Variants in FHOD3 observed in about 807,000 individuals in gnomAD.
FHOD3 encodes formin homology 2 domain containing 3.
A neutral mutation model predicts 173.0 loss-of-function variants in FHOD3; 90 were observed. The observed-to-expected ratio is 0.52, with a 90% CI of 0.44 to 0.62. The LOEUF is 0.62. Among genes scored for constraint, FHOD3 ranks in the 20% least tolerant of loss-of-function variants. The probability of loss-of-function intolerance (pLI) is 0.00; values close to 1 mark genes in which losing one functional copy is unlikely to be tolerated. For missense variants in FHOD3, 1,945 were observed against 2,034.7 expected (o/e 0.96, Z 0.85); for synonymous variants, 828 against 823.0 (o/e 1.01, Z -0.10).
chr18:36,330,945 G>GCCTGC lies in FHOD3; in HGVS notation c.166-24586_166-24582dup, dbSNP rs2044971610. On this transcript the variant is annotated intron_variant, in intron 1 of 28. Coordinates refer to ENST00000590592, the MANE Select transcript of FHOD3 (RefSeq NM_001281740.3). The stretch of plus-strand genomic sequence containing the variant: ...AGTGAGCATGCTCATTTGGGAGCTG[G>GCCTGC]CCTGCCCTGCCCCTGCCTTTAGATG... 2.0e-5 allele frequency among the ~76,000 whole-genome samples: 3 copies of GCCTGC among 152,232 alleles called. No homozygotes were observed. In the South Asian group the frequency reaches 6.2e-4, roughly 32 times the overall value.
At position 36,624,636 on chromosome 18, in the gene FHOD3, G is replaced by A. The variant is rs192908544; in HGVS notation, c.958-875G>A. On this transcript the variant is annotated intron_variant, in intron 9 of 28. Transcript: ENST00000590592. ...GTGAGATTAAGAGATGGAAAAGCTG[G>A]TCTTCTGCAGAGGGCGCCACCTAGA... Among the ~76,000 whole-genome samples the A allele has an allele frequency of 2.0e-5, 3 of 152,000 alleles. No individual in the cohort carries two copies. In the East Asian group the frequency reaches 5.8e-4, roughly 29 times the overall value.
chr18:36,435,923 C>T (rs1039224428), intron 3 of FHOD3, among the ~76,000 whole-genome samples: 16 of 152,016 alleles, frequency 1.1e-4, no homozygotes, highest in Non-Finnish European at 1.3e-4. Flanking sequence ...ATCATTGCAA[C>T]GACAGAAAAA....
Position 36,693,358 on chromosome 18 carries a change from C to A in FHOD3, c.2171C>A (p.Ser724Tyr). The part of the protein sequence containing the change: ...CLAPLSHSPS[S>Y]SDSQEALTVS... ...GCTCCTCTGAGCCATAGCCCCTCAT[C>A]TTCAGACTCTCAAGAGGCTCTCACG... Residue 724 changes from serine to tyrosine, a missense_variant, in exon 17 of 29, where the codon TCT becomes TAT. Transcript: ENST00000590592. 1 of 1,613,978 alleles carries A rather than the reference C, an allele frequency of 6.2e-7. No homozygotes were observed. The highest frequency in any genetic ancestry group is 8.5e-7 in the Non-Finnish European group (1 of 1,179,886).
intron 10 of FHOD3, among the ~76,000 whole-genome samples, chr18:36,628,503 G>A (rs950452091): frequency 2.6e-5 from 4 of 152,178 alleles, no homozygotes; most frequent in African/African-American, 9.7e-5. Flanking sequence ...AGCCAGCTAT[G>A]TGCTTTAATT....
intron 8 of FHOD3, among the ~76,000 whole-genome samples, chr18:36,610,050 T>C (rs1411606176): frequency 7.2e-5 from 11 of 152,218 alleles, no homozygotes; most frequent in Admixed American, 4.6e-4. Flanking sequence ...AGAACCTCAG[T>C]TGACTCCCAG....
At chr18:36,720,430 G>A (rs1443688917) in intron 19 of FHOD3, among the ~76,000 whole-genome samples, 3 of 151,884 alleles carry the variant, frequency 2.0e-5, no homozygotes, top group African/African-American at 7.2e-5. Context: ...TAGAGATGGG[G>A]TTTCACCATG....
intron 5 of FHOD3, among the ~76,000 whole-genome samples, chr18:36,564,498 G>A (rs904852603): frequency 6.6e-6 from 1 of 152,110 alleles, no homozygotes; most frequent in African/African-American, 2.4e-5. Flanking sequence ...CTGTACAGGT[G>A]GCTGATGAGG....
chr18:36,643,579 A>G (rs376202031), intron 10 of FHOD3, among the ~76,000 whole-genome samples: 10 of 152,320 alleles, frequency 6.6e-5, no homozygotes, highest in African/African-American at 1.7e-4. Context: ...TATCAACAAT[A>G]TATGAATTAG....
intron 4 of FHOD3, among the ~76,000 whole-genome samples, chr18:36,504,526 G>A (rs1207637372): frequency 1.4e-5 from 2 of 147,582 alleles, no homozygotes; most frequent in Non-Finnish European, 1.5e-5. Flanking sequence ...CTCACTCATA[G>A]ATGGGAATTG....
At chr18:36,605,004 A>C (rs1038534612) in intron 8 of FHOD3, among the ~76,000 whole-genome samples, 2 of 152,230 alleles carry the variant, frequency 1.3e-5, no homozygotes, top group East Asian at 3.8e-4. Context: ...CCTTTTAATG[A>C]AGTATCATTT....
chr18:36,328,280 ACT>A (rs900654109), intron 1 of FHOD3, among the ~76,000 whole-genome samples: 10 of 152,216 alleles, frequency 6.6e-5, no homozygotes, highest in Non-Finnish European at 1.3e-4. Flanking sequence ...CCCAGGAAGG[ACT>A]CTGAAGACAG....
At chr18:36,708,461 C>T (rs184610407) in intron 17 of FHOD3, among the ~76,000 whole-genome samples, 9 of 152,310 alleles carry the variant, frequency 5.9e-5, no homozygotes, top group Admixed American at 2.0e-4. Context: ...ACAGACATAG[C>T]GATTGGAAAC....
chr18:36,301,828 G>A (rs1249942693), intron 1 of FHOD3, among the ~76,000 whole-genome samples: 2 of 152,174 alleles, frequency 1.3e-5, no homozygotes, highest in Non-Finnish European at 2.9e-5. Context: ...CAAAACACTG[G>A]TGACTTTTTT....
chr18:36,413,674 A>G (rs1247256640), intron 3 of FHOD3, among the ~76,000 whole-genome samples: 1 of 152,240 alleles, frequency 6.6e-6, no homozygotes. Flanking sequence ...TAGAGTTACC[A>G]AAAGACCTAT....
intron 6 of FHOD3, among the ~76,000 whole-genome samples, chr18:36,584,917 A>C (rs2058976209): frequency 6.6e-6 from 1 of 152,192 alleles, no homozygotes; most frequent in East Asian, 1.9e-4. Context: ...AAAAAAAGTA[A>C]AATAAAAATT....
At chr18:36,503,891 T>C (rs889352086) in intron 4 of FHOD3, among the ~76,000 whole-genome samples, 3 of 152,188 alleles carry the variant, frequency 2.0e-5, no homozygotes, top group Non-Finnish European at 4.4e-5. Context: ...AAGTAAGGCA[T>C]GCCCTTTCTG....
intron 5 of FHOD3, among the ~76,000 whole-genome samples, chr18:36,552,833 T>C (rs1431021394): frequency 6.6e-6 from 1 of 152,168 alleles, no homozygotes; most frequent in Non-Finnish European, 1.5e-5. Context: ...CTGATTGCCC[T>C]GGCCAGAACT....
intron 3 of FHOD3, among the ~76,000 whole-genome samples, chr18:36,479,425 A>G (rs1164096130): frequency 6.6e-6 from 1 of 152,140 alleles, no homozygotes; most frequent in African/African-American, 2.4e-5. Context: ...TCACTTGTCC[A>G]GATTTCCTTG....
At chr18:36,598,239 T>C (rs1427087646) in intron 7 of FHOD3, among the ~76,000 whole-genome samples, 1 of 152,194 alleles carries the variant, frequency 6.6e-6, no homozygotes, top group Non-Finnish European at 1.5e-5. Context: ...GCAGTTGTCT[T>C]TTTGAATAGT....
Sources: allele counts gnomAD v4.1 joint callset (sites outside exome capture counted in the v4.1 genomes callset), GRCh38; gene constraint gnomAD v4.1.1; transcripts MANE v1.5; gene names NCBI Gene and HGNC (gene_info 2026-07-23, HGNC 2026-07-21).